The following LRCH1 variants were observed in gnomAD, a reference collection of about 807,000 sequenced individuals.
LRCH1 encodes the protein leucine rich repeats and calponin homology domain containing 1.
In LRCH1, 23 loss-of-function variants were observed where a neutral mutation model predicts 94.9. The ratio of observed to expected loss-of-function variants is 0.24; its 90% confidence interval spans 0.17 to 0.34. LRCH1 has a LOEUF of 0.34. Among genes scored for constraint, LRCH1 ranks in the 10% least tolerant of loss-of-function variants. The probability of loss-of-function intolerance (pLI) is 1.00; values close to 1 mark genes in which losing one functional copy is unlikely to be tolerated. For missense variants in LRCH1, 790 were observed against 945.9 expected (o/e 0.84, Z 2.16); for synonymous variants, 364 against 354.9 (o/e 1.03, Z -0.29).
At chr13:46,634,534 A>G (rs1232506480) in intron 1 of LRCH1, among the ~76,000 whole-genome samples, 2 of 152,188 alleles carry the variant, frequency 1.3e-5, no homozygotes, top group African/African-American at 4.8e-5. Context: ...GGTAATCTGG[A>G]GTGAATTTTC....
chr13:46,687,892 G>A lies in LRCH1; in HGVS notation c.863G>A (p.Ser288Asn), dbSNP rs377041460. The part of the protein sequence containing the change: ...KGKVHIFKYL[S>N]IQACQIKTAD... ...AAAGTTCACATATTTAAGTATCTGA[G>A]CATACAAGCATGCCAGATTAAGACA... is the stretch of plus-strand genomic sequence containing the variant. Residue 288 changes from serine to asparagine, a missense_variant, in exon 6 of 20, where the codon AGC becomes AAC. Physicochemically the swap from Ser to Asn is conservative, Grantham distance 46 (BLOSUM62 1). Coordinates refer to ENST00000389797, the MANE Select transcript of LRCH1 (RefSeq NM_001164211.2). The A allele has an allele frequency of 4.7e-5, 75 of 1,612,834 alleles. No homozygotes were observed. Among genetic ancestry groups the A allele is most frequent in the South Asian group, 7.7e-5 (7 of 90,782 alleles).
chr13:46,628,672 A>AAC (rs1269720935), intron 1 of LRCH1, among the ~76,000 whole-genome samples: 27 of 151,732 alleles, frequency 1.8e-4, no homozygotes, highest in Admixed American at 1.2e-3. Flanking sequence ...AGAAAAAAAA[A>AAC]AAAAAAACAC....
At chr13:46,633,708 G>A (rs2051046056) in intron 1 of LRCH1, among the ~76,000 whole-genome samples, 1 of 152,050 alleles carries the variant, frequency 6.6e-6, no homozygotes, top group African/African-American at 2.4e-5. Context: ...GATCTTCCAA[G>A]CCCGCATTTT....
At chr13:46,563,188 AG>A in intron 1 of LRCH1, among the ~76,000 whole-genome samples, 1 of 152,238 alleles carries the variant, frequency 6.6e-6, no homozygotes, top group African/African-American at 2.4e-5. Flanking sequence ...TTATTGTGTA[AG>A]GAGCATAGCC....
In LRCH1 at chr13:46,744,763, A is replaced by C; in HGVS notation, c.*2915A>C. The C allele has an allele frequency of 3.0e-6, 3 of 985,402 alleles. No individual in the cohort carries two copies. Among genetic ancestry groups the C allele is most frequent in the Non-Finnish European group, 3.6e-6 (3 of 829,880 alleles). The allele number at this position is 985,402 out of a possible 1,614,324, so 61.0% of individuals were successfully genotyped here. ...GAAAAAGTAGGGATGATATTTTAAA[A>C]TTTTAAGAAACTGAAAGTTGTTTTG... On this transcript the variant is annotated 3_prime_UTR_variant, in exon 20 of 20. Coordinates refer to ENST00000389797, the MANE Select transcript of LRCH1 (RefSeq NM_001164211.2).
chr13:46,701,516 A>G (rs1456071033), intron 11 of LRCH1, among the ~76,000 whole-genome samples: 4 of 152,192 alleles, frequency 2.6e-5, no homozygotes, highest in Non-Finnish European at 5.9e-5. Context: ...TGCATGTTTT[A>G]TATTGCTTAA....
At chr13:46,656,446 C>T (rs924070101) in intron 2 of LRCH1, among the ~76,000 whole-genome samples, 15 of 152,052 alleles carry the variant, frequency 9.9e-5, no homozygotes, top group African/African-American at 3.4e-4. Context: ...AGATCTTACC[C>T]CATTCAAAGA....
chr13:46,750,672 G>C (rs768592680), exon 19 of LRCH1: 1 of 1,489,342 alleles, frequency 6.7e-7, no homozygotes, highest in Non-Finnish European at 9.2e-7. Flanking sequence ...CTCCATTGGG[G>C]GCTCAGACTC....
chr13:46,613,187 C>T (rs561240519), intron 1 of LRCH1, among the ~76,000 whole-genome samples: 28 of 152,006 alleles, frequency 1.8e-4, no homozygotes, highest in Non-Finnish European at 2.9e-4. Context: ...GTCAGGAGAT[C>T]GAGACCATCC....
At chr13:46,721,612 A>C (rs1872584212) in intron 16 of LRCH1, among the ~76,000 whole-genome samples, 1 of 151,972 alleles carries the variant, frequency 6.6e-6, no homozygotes, top group South Asian at 2.1e-4. Flanking sequence ...TTACTTTTTA[A>C]ACAATTGGTT....
chr13:46,647,794 CTTT>C (rs10718141), intron 1 of LRCH1, among the ~76,000 whole-genome samples: 47 of 126,858 alleles, frequency 3.7e-4, no homozygotes, highest in African/African-American at 9.0e-4. Flanking sequence ...AGGTAGTCAT[CTTT>C]TTTTTTTTTT....
At chr13:46,690,549 T>G (rs1870841119) in intron 7 of LRCH1, among the ~76,000 whole-genome samples, 5 of 152,250 alleles carry the variant, frequency 3.3e-5, no homozygotes, top group Admixed American at 2.6e-4. Flanking sequence ...ATAAGTAGGA[T>G]GCTAATATCA....
chr13:46,555,166 G>C (rs1326959828), intron 1 of LRCH1, among the ~76,000 whole-genome samples: 1 of 152,138 alleles, frequency 6.6e-6, no homozygotes, highest in Non-Finnish European at 1.5e-5. Context: ...CAACAGCTGG[G>C]GAGTGTCTTT....
chr13:46,592,857 G>T (rs186377312), intron 1 of LRCH1, among the ~76,000 whole-genome samples: 1 of 151,992 alleles, frequency 6.6e-6, no homozygotes, highest in Non-Finnish European at 1.5e-5. Flanking sequence ...CTTCATTCTC[G>T]CATTGGTATT....
intron 17 of LRCH1, among the ~76,000 whole-genome samples, chr13:46,726,292 C>T (rs375345071): frequency 2.0e-5 from 3 of 152,156 alleles, no homozygotes; most frequent in Non-Finnish European, 4.4e-5. Flanking sequence ...GAGAAGAAGA[C>T]GGACTGATTA....
At chr13:46,709,343 TC>T (rs1266259696) in intron 13 of LRCH1, among the ~76,000 whole-genome samples, 1 of 152,204 alleles carries the variant, frequency 6.6e-6, no homozygotes, top group African/African-American at 2.4e-5. Context: ...GTCTGTTTGT[TC>T]CATCAGCCAA....
intron 16 of LRCH1, among the ~76,000 whole-genome samples, chr13:46,721,686 T>A (rs1872587668): frequency 6.6e-6 from 1 of 152,196 alleles, no homozygotes; most frequent in African/African-American, 2.4e-5. Context: ...CTGCCTTTGG[T>A]GTTCTTTGCC....
At chr13:46,672,190 T>G (rs2051609265) in intron 3 of LRCH1, among the ~76,000 whole-genome samples, 1 of 152,186 alleles carries the variant, frequency 6.6e-6, no homozygotes, top group Non-Finnish European at 1.5e-5. Context: ...GCATTTAAGT[T>G]TCCTCCATGT....
At position 46,650,220 on chromosome 13, in the gene LRCH1, G is replaced by T. The variant is rs375002309; in HGVS notation, c.327G>T (p.Leu109=). The T allele has an allele frequency of 1.1e-5, 18 of 1,611,188 alleles. No individual in the cohort carries two copies. In the African/African-American group the frequency reaches 1.7e-4, roughly 16 times the overall value. Residue 109 remains leucine (L), a synonymous_variant, in exon 2 of 20, where the codon CTG becomes CTT. Coordinates refer to ENST00000389797, the MANE Select transcript of LRCH1 (RefSeq NM_001164211.2). ...TVQADLSKNR[L]VEVPMELCHF... is the part of the protein sequence containing the mutation. ...TTATAGACTTATCTAAAAACAGACT[G>T]GTTGAAGTTCCAATGGAATTGTGCC...
Sources: allele counts gnomAD v4.1 joint callset (sites outside exome capture counted in the v4.1 genomes callset), GRCh38; gene constraint gnomAD v4.1.1; transcripts MANE v1.5; gene names NCBI Gene and HGNC (gene_info 2026-07-23, HGNC 2026-07-21).